FSTL5: variants seen among roughly 807,000 people sequenced by gnomAD.
FSTL5 encodes the protein follistatin-related protein 5.
In FSTL5, 62 loss-of-function variants were observed where a neutral mutation model predicts 89.1. That is an observed-to-expected ratio of 0.70 (90% CI 0.57 to 0.86). FSTL5 has a LOEUF of 0.86. FSTL5 is among the 40% of genes least tolerant of loss of function. The pLI is 0.00. For synonymous variants in FSTL5, 383 were observed against 346.2 expected (o/e 1.11, Z -1.18); for missense variants, 1,057 against 1,001.6 (o/e 1.06, Z -0.75).
chr4:161,743,410 G>A (rs750417245), intron 6 of FSTL5, among the ~76,000 whole-genome samples: 3 of 152,140 alleles, frequency 2.0e-5, no homozygotes, highest in Non-Finnish European at 2.9e-5. Context: ...GTCTACATAT[G>A]TTTTAGTGCC....
intron 7 of FSTL5, among the ~76,000 whole-genome samples, chr4:161,650,963 G>A (rs1051497530): frequency 1.3e-5 from 2 of 152,170 alleles, no homozygotes; most frequent in South Asian, 4.2e-4. Flanking sequence ...TCTCGGTCAC[G>A]TTAACACATC....
intron 7 of FSTL5, among the ~76,000 whole-genome samples, chr4:161,619,172 C>T (rs1301858255): frequency 2.0e-5 from 3 of 152,148 alleles, no homozygotes; most frequent in African/African-American, 7.2e-5. Context: ...ATCCTTACAC[C>T]TTATACAAAA....
chr4:161,628,105 A>T (rs769873102), intron 7 of FSTL5, among the ~76,000 whole-genome samples: 3 of 152,128 alleles, frequency 2.0e-5, no homozygotes, highest in Non-Finnish European at 4.4e-5. Context: ...GTTTTCTCAG[A>T]CATAAATGGG....
intron 10 of FSTL5, among the ~76,000 whole-genome samples, chr4:161,521,641 G>A (rs555043041): frequency 6.6e-6 from 1 of 152,054 alleles, no homozygotes; most frequent in East Asian, 1.9e-4. Flanking sequence ...AAGGTCAGGA[G>A]ATCGAGACCA....
At chr4:161,888,635 G>A (rs922965878) in intron 4 of FSTL5, among the ~76,000 whole-genome samples, 4 of 151,948 alleles carry the variant, frequency 2.6e-5, no homozygotes, top group Non-Finnish European at 4.4e-5. Context: ...CAAACATAAT[G>A]AATATTCTAG....
chr4:162,105,445 C>T (rs1477260074), intron 2 of FSTL5, among the ~76,000 whole-genome samples: 1 of 152,086 alleles, frequency 6.6e-6, no homozygotes, highest in Non-Finnish European at 1.5e-5. Flanking sequence ...TCATTTTTCC[C>T]ATTTATAAAA....
At chr4:161,604,955 G>T (rs1578960605) in intron 7 of FSTL5, among the ~76,000 whole-genome samples, 2 of 152,142 alleles carry the variant, frequency 1.3e-5, no homozygotes, top group African/African-American at 4.8e-5. Flanking sequence ...TTATTGTATA[G>T]GAGTTATTTC....
At chr4:161,601,329 GAAAAAA>G (rs35261391) in intron 7 of FSTL5, among the ~76,000 whole-genome samples, 6 of 107,566 alleles carry the variant, frequency 5.6e-5, no homozygotes, top group Non-Finnish European at 1.1e-4. Context: ...TAAATAGTTG[GAAAAAA>G]AAAAAAAAAA....
intron 15 of FSTL5, among the ~76,000 whole-genome samples, chr4:161,424,571 C>T (rs72616785): frequency 0.07 from 10,690 of 151,708 alleles, 573 homozygotes; most frequent in East Asian, 0.28. Flanking sequence ...ATTCCCTCAT[C>T]TATCTCTTTT....
chr4:162,052,636 G>A (rs938117341), intron 2 of FSTL5, among the ~76,000 whole-genome samples: 1 of 151,650 alleles, frequency 6.6e-6, no homozygotes, highest in African/African-American at 2.4e-5. Context: ...TGTACCAATG[G>A]AGAATTCAAC....
chr4:161,413,601 C>G (rs1332465701), intron 15 of FSTL5, among the ~76,000 whole-genome samples: 1 of 152,096 alleles, frequency 6.6e-6, no homozygotes, highest in African/African-American at 2.4e-5. Flanking sequence ...ATAAATCAAT[C>G]ATACCAAAAA....
rs769476820 is a variant in FSTL5 at position 161,538,299 on chromosome 4, T to G, written c.1179A>C (p.Ala393=). Residue 393 remains alanine (A), a splice_region_variant and synonymous_variant, in exon 10 of 16, where the codon GCA becomes GCC. Coordinates refer to ENST00000306100, the MANE Select transcript of FSTL5 (RefSeq NM_020116.5). ...TGCTTATGTGAACCTCACTGCCATT[T>G]GCTGAAAAAAGAAGGGAAATGCAAC... ...PKLSKQLTLQ[A]NGSEVHISNV... 10 of 1,613,554 alleles carry G rather than the reference T, an allele frequency of 6.2e-6. No homozygotes were observed.
In FSTL5 at chr4:161,385,157, A is replaced by C. The variant is rs1342399321; in HGVS notation, c.*590T>G. 1 of 153,020 alleles carries C rather than the reference A, an allele frequency of 6.5e-6. No homozygotes were observed. The highest frequency in any genetic ancestry group is 6.5e-5 in the Admixed American group (1 of 15,304). 9.5% of individuals were successfully genotyped at this position (153,020 alleles called of 1,614,324 possible). A position where few individuals can be genotyped will look rare whatever the true frequency, so the allele number is the denominator to read the frequency against. On this transcript the variant is annotated 3_prime_UTR_variant, in exon 16 of 16. Transcript: ENST00000306100. ...CAATTGGTAGTTCATTGAGGGTTAA[A>C]CAAAAGACTGAAGACAGGATTTGGT...
intron 3 of FSTL5, among the ~76,000 whole-genome samples, chr4:161,950,944 G>C (rs1396044110): frequency 6.6e-6 from 1 of 151,958 alleles, no homozygotes; most frequent in Admixed American, 6.6e-5. Context: ...ATATGGTTTG[G>C]CTGTGTCCCC....
intron 4 of FSTL5, among the ~76,000 whole-genome samples, chr4:161,785,346 T>A (rs1044041146): frequency 6.6e-6 from 1 of 152,158 alleles, no homozygotes; most frequent in Non-Finnish European, 1.5e-5. Context: ...TAATCTGATA[T>A]GCATATTCAA....
intron 3 of FSTL5, among the ~76,000 whole-genome samples, chr4:161,949,858 T>C (rs1012611382): frequency 2.0e-5 from 3 of 152,020 alleles, no homozygotes; most frequent in Non-Finnish European, 4.4e-5. Flanking sequence ...ACTCAAGTTG[T>C]TTCATTTCTA....
At chr4:161,886,509 G>A (rs141868190) in intron 4 of FSTL5, among the ~76,000 whole-genome samples, 1 of 152,264 alleles carries the variant, frequency 6.6e-6, no homozygotes, top group East Asian at 1.9e-4. Context: ...TACATTAGAA[G>A]AAATGTACTT....
At chr4:161,779,763 A>ATATATATATATATATATATATATATG (rs1741558297) in intron 4 of FSTL5, among the ~76,000 whole-genome samples, 1 of 22,468 alleles carries the variant, frequency 4.5e-5, no homozygotes, top group Non-Finnish European at 6.6e-5. Flanking sequence ...GTAAAGTTAT[A>ATATATATATATATATATATATATATG]TATATATATA....
At chr4:161,925,149 C>A (rs1171191441) in intron 3 of FSTL5, among the ~76,000 whole-genome samples, 1 of 151,746 alleles carries the variant, frequency 6.6e-6, no homozygotes, top group Non-Finnish European at 1.5e-5. Context: ...CAGCAAAACG[C>A]AGTTCTAATG....
Sources: allele counts gnomAD v4.1 joint callset (sites outside exome capture counted in the v4.1 genomes callset), GRCh38; gene constraint gnomAD v4.1.1; transcripts MANE v1.5; gene names NCBI Gene and HGNC (gene_info 2026-07-23, HGNC 2026-07-21).